ZNF250: variants seen among roughly 807,000 people sequenced by gnomAD.
The protein encoded by ZNF250 is zinc finger protein 250.
In ZNF250, 13 loss-of-function variants were observed where a neutral mutation model predicts 37.1. The ratio of observed to expected loss-of-function variants is 0.35; its 90% CI spans 0.23 to 0.56. The LOEUF is 0.56. ZNF250 is among the 20% of genes least tolerant of loss of function. The pLI, the probability that ZNF250 is intolerant of heterozygous loss-of-function variation, is 0.87. For missense variants in ZNF250, 474 were observed against 697.9 expected, an observed-to-expected ratio of 0.68 and a Z score of 3.61; for synonymous variants, 251 against 265.6, an observed-to-expected ratio of 0.94 and a Z score of 0.54.
At position 144,882,339 on chromosome 8, in the gene ZNF250, C is replaced by T. The variant is rs1271136058; in HGVS notation, c.844G>A (p.Glu282Lys). The part of the protein sequence containing the change: ...HTGEKPHECL[E>K]CRKAFTQLSH... ...AGTTGAGTGAAGGCTTTCCGACACT[C>T]AAGACATTCGTGAGGCTTCTCTCCT... Residue 282 changes from glutamate (E) to lysine (K), a missense_variant, in exon 6 of 6, where the codon GAG (glutamate) becomes AAG (lysine). Physicochemically the swap from Glu to Lys is moderately conservative, Grantham distance 56 (BLOSUM62 1). Transcript: ENST00000417550. This position sits in a 1 kb window ranked among gnomAD's most constrained non-coding sequence, Gnocchi z 5.5. The T allele has an allele frequency of 1.2e-6, 2 of 1,613,722 alleles. No homozygotes were observed.
rs577115158 is a variant in ZNF250 at position 144,891,141 on chromosome 8, G to A, written c.-54-738C>T. Among the ~76,000 whole-genome samples the A allele has an allele frequency of 3.7e-4, 57 of 152,276 alleles. 1 individual carries two copies. In the South Asian group the frequency reaches 0.012, roughly 32 times the overall value. On this transcript the variant is annotated intron_variant, in intron 1 of 5. Transcript: ENST00000417550. The surrounding 1 kb of genome is among the most constrained non-coding windows in gnomAD (Gnocchi z 4.0). ...CCCAAACAGCTGGGAAAAAGGGGGA[G>A]CGGGGCAAGAGCTTTCCTGACACAT...
chr8:144,891,079 G>A lies in ZNF250; in HGVS notation c.-54-676C>T, dbSNP rs1005693683. 6.6e-6 allele frequency among the ~76,000 whole-genome samples: 1 copy of A among 152,112 alleles called. No homozygotes were observed. Among genetic ancestry groups the A allele is most frequent in the Non-Finnish European group, 1.5e-5 (1 of 68,022 alleles). ...GGGGTAGTGGGGCTGGTGCTGGAACGTAACAGGACAAGGTAAGCAAAGGTA... is the reference window on the plus strand; with the variant it reads ...GGGGTAGTGGGGCTGGTGCTGGAACATAACAGGACAAGGTAAGCAAAGGTA... On this transcript the variant is annotated intron_variant, in intron 1 of 5. Transcript: ENST00000417550. The surrounding 1 kb of genome is among the most constrained non-coding windows in gnomAD (Gnocchi z 4.0).
chr8:144,896,385 A>G (rs1405588215), intron 1 of ZNF250, among the ~76,000 whole-genome samples: 2 of 151,838 alleles, frequency 1.3e-5, no homozygotes, highest in Admixed American at 1.3e-4. Context: ...AAAAAAAAAT[A>G]TGAACAAAAT....
chr8:144,893,191 A>T (rs1003509137), intron 1 of ZNF250, among the ~76,000 whole-genome samples: 1 of 152,098 alleles, frequency 6.6e-6, no homozygotes, highest in Non-Finnish European at 1.5e-5. Context: ...GATTAAGATG[A>T]AGACCAAGTG....
Position 144,890,074 on chromosome 8 carries a change from G to A in ZNF250, c.43-15C>T, listed in dbSNP as rs376850799. ...GTCAGCTTGGCCTGGAACGACAGGG[G>A]CTGCTGCAGGTAAAACCAAATCCTG... On this transcript the variant is annotated splice_polypyrimidine_tract_variant and intron_variant, in intron 2 of 5. Transcript: ENST00000417550. The surrounding 1 kb of genome is among the most constrained non-coding windows in gnomAD (Gnocchi z 5.1). The A allele has an allele frequency of 3.7e-6, 6 of 1,609,534 alleles. No homozygotes were observed. The highest frequency in any genetic ancestry group is 5.1e-6 in the Non-Finnish European group (6 of 1,177,902).
Position 144,877,174 on chromosome 8 carries a change from T to A in ZNF250, c.*4341A>T, listed in dbSNP as rs570344620. 1.3e-4 allele frequency: 20 copies of A among 152,326 alleles called. 2 individuals are homozygous for A. In the South Asian group the frequency reaches 3.7e-3, roughly 28 times the overall value. The allele number at this position is 152,326 out of a possible 1,614,324, so 9.4% of individuals were successfully genotyped here. A position where few individuals can be genotyped will look rare whatever the true frequency, so the allele number is the denominator to read the frequency against. On this transcript the variant is annotated 3_prime_UTR_variant, in exon 6 of 6. Transcript: ENST00000417550. ...AGATAGTATGATCACAGCACACTAGTCTTGAACTCCCAATCAATCCTCCCA... is the reference window on the plus strand; with the variant it reads ...AGATAGTATGATCACAGCACACTAGACTTGAACTCCCAATCAATCCTCCCA...
chr8:144,894,772 T>C (rs1563899110), intron 1 of ZNF250, among the ~76,000 whole-genome samples: 1 of 151,906 alleles, frequency 6.6e-6, no homozygotes, highest in Non-Finnish European at 1.5e-5. Flanking sequence ...ATCCTCCCAC[T>C]TCAGCATCCC....
At chr8:144,889,910 C>T (rs760548636) in intron 3 of ZNF250, 23 bp downstream of exon 3, 27 of 1,581,072 alleles carry the variant, frequency 1.7e-5, no homozygotes, top group East Asian at 9.0e-5. Flanking sequence ...GATACATAGA[C>T]GAGGCCTGCT....
chr8:144,890,444 GA>G lies in ZNF250; in HGVS notation c.-54-42del. ...GGGCAAGTGAGGGGCATGGCCTTGA[GA>G]CCGTAACTTCCTAGGGGGCCCTCAG... On this transcript the variant is annotated intron_variant, in intron 1 of 5. Coordinates refer to ENST00000417550, the MANE Select transcript of ZNF250 (RefSeq NM_001109689.4). The surrounding 1 kb of genome is among the most constrained non-coding windows in gnomAD (Gnocchi z 5.1). The G allele has an allele frequency of 7.8e-7, 1 of 1,274,086 alleles. No individual in the cohort carries two copies. The highest frequency in any genetic ancestry group is 1.0e-6 in the Non-Finnish European group (1 of 963,130). The allele number at this position is 1,274,086 out of a possible 1,614,324, so 78.9% of individuals were successfully genotyped here. A position where few individuals can be genotyped will look rare whatever the true frequency, so the allele number is the denominator to read the frequency against.
chr8:144,878,950 T>A lies in ZNF250; in HGVS notation c.*2565A>T, dbSNP rs1221341490. 6.6e-6 allele frequency: 1 copy of A among 152,200 alleles called. No individual in the cohort carries two copies. The highest frequency in any genetic ancestry group is 2.4e-5 in the African/African-American group (1 of 41,450). 9.4% of individuals were successfully genotyped at this position (152,200 alleles called of 1,614,324 possible). The stretch of plus-strand genomic sequence containing the variant: ...CCCAGTGATCTCACCTCCTCTCTGA[T>A]GAAACACCTCAGTGTACTCAGATCC... On this transcript the variant is annotated 3_prime_UTR_variant, in exon 6 of 6. Coordinates refer to ENST00000417550, the MANE Select transcript of ZNF250 (RefSeq NM_001109689.4).
chr8:144,893,518 A>G (rs1832500508), intron 1 of ZNF250, among the ~76,000 whole-genome samples: 2 of 152,106 alleles, frequency 1.3e-5, no homozygotes, highest in Admixed American at 1.3e-4. Flanking sequence ...TTTTGTAGGT[A>G]CGGGGTTTCA....
chr8:144,886,637 T>G (rs1217924888), intron 5 of ZNF250, among the ~76,000 whole-genome samples: 1 of 152,202 alleles, frequency 6.6e-6, no homozygotes, highest in African/African-American at 2.4e-5. Context: ...CAGTAATCTC[T>G]CTAGGCCTAC....
intron 1 of ZNF250, among the ~76,000 whole-genome samples, chr8:144,894,481 C>A (rs1198553483): frequency 1.3e-5 from 2 of 152,128 alleles, no homozygotes; most frequent in African/African-American, 4.8e-5. Context: ...TTAGAGACCT[C>A]TGCCCCACCC....
At chr8:144,887,992 C>T (rs1832017258) in intron 4 of ZNF250, among the ~76,000 whole-genome samples, 1 of 152,170 alleles carries the variant, frequency 6.6e-6, no homozygotes, top group South Asian at 2.1e-4. Context: ...AGCTGATCAG[C>T]CAATGGAGGT....
intron 4 of ZNF250, among the ~76,000 whole-genome samples, chr8:144,888,790 C>T (rs1231928901): frequency 6.6e-6 from 1 of 151,800 alleles, no homozygotes; most frequent in African/African-American, 2.4e-5. Flanking sequence ...GCTCTGTCCC[C>T]CAGGCTGGAG....
rs1012355263 is a variant in ZNF250, at chr8:144,895,715, T to TA, written c.-54-5313dup. On this transcript the variant is annotated intron_variant, in intron 1 of 5. Transcript: ENST00000417550. ...AAGATGACCATCACATATTGCTAATTAAAAAAAAAATCGGCCAGGCGCAGT... is the reference window on the plus strand; with the variant it reads ...AAGATGACCATCACATATTGCTAATTAAAAAAAAAAATCGGCCAGGCGCAGT... 2.2e-3 allele frequency among the ~76,000 whole-genome samples: 326 copies of TA among 149,262 alleles called. 3 individuals carry two copies. The highest frequency in any genetic ancestry group is 7.2e-3 in the African/African-American group (294 of 40,710).
Position 144,877,670 on chromosome 8 carries a change from C to A in ZNF250, c.*3845G>T, listed in dbSNP as rs184997814. The A allele has an allele frequency of 6.6e-6, 1 of 152,172 alleles. No homozygotes were observed. Among genetic ancestry groups the A allele is most frequent in the Non-Finnish European group, 1.5e-5 (1 of 68,040 alleles). The allele number at this position is 152,172 out of a possible 1,614,324, so 9.4% of individuals were successfully genotyped here. ...GGCATTGAAGCCCACTTCCTGGCTC[C>A]GTGGACACCTGAGCCTGCATTCTCA... On this transcript the variant is annotated 3_prime_UTR_variant, in exon 6 of 6. Transcript: ENST00000417550.
chr8:144,901,610 T>G (rs562807063), upstream of ZNF250: 2 of 152,878 alleles, frequency 1.3e-5, no homozygotes, highest in East Asian at 1.9e-4. This position sits in a 1 kb window ranked among gnomAD's most constrained non-coding sequence, Gnocchi z 5.4. Flanking sequence ...GGTGACCGAC[T>G]GCAGGGAGCT....
At position 144,877,101 on chromosome 8, in the gene ZNF250, A is replaced by C; in HGVS notation, c.*4414T>G. The C allele has an allele frequency of 6.6e-6, 1 of 152,230 alleles. No homozygotes were observed. Among genetic ancestry groups the C allele is most frequent in the East Asian group, 1.9e-4 (1 of 5,200 alleles). 9.4% of individuals were successfully genotyped at this position (152,230 alleles called of 1,614,324 possible). On this transcript the variant is annotated 3_prime_UTR_variant, in exon 6 of 6. Coordinates refer to ENST00000417550, the MANE Select transcript of ZNF250 (RefSeq NM_001109689.4). ...TGTTAGAAGAAACAATTTTAAAAGA[A>C]ATATATACGTATTTTTTGTGACAAG...
Sources: gnomAD v4.1 joint callset for allele counts (sites outside exome capture counted in the v4.1 genomes callset) on GRCh38, gnomAD v4.1.1 for gene constraint, Gnocchi (gnomAD v3.1) non-coding constraint, MANE v1.5 for transcripts, NCBI Gene and HGNC (gene_info 2026-07-23, HGNC 2026-07-21) for gene names.